The following PSD3 variants were observed in gnomAD, a reference collection of about 807,000 sequenced individuals.
The protein encoded by PSD3 is PH and SEC7 domain-containing protein 3.
In PSD3, 49 loss-of-function variants were observed where a neutral mutation model predicts 105.5. The observed-to-expected ratio is 0.46, with a 90% CI of 0.37 to 0.59. The LOEUF (loss-of-function observed/expected upper bound fraction) is 0.59, where lower values mean the gene tolerates loss of function less well. Among genes scored for constraint, PSD3 ranks in the 20% least tolerant of loss-of-function variants. The pLI, the probability that PSD3 is intolerant of heterozygous loss-of-function variation, is 0.00. For synonymous variants in PSD3, 557 were observed against 457.8 expected, an observed-to-expected ratio of 1.22 and a Z score of -2.77; for missense variants, 1,561 against 1,263.8, an observed-to-expected ratio of 1.24 and a Z score of -3.57.
At chr8:18,671,694 C>T (rs1799792354) in intron 9 of PSD3, among the ~76,000 whole-genome samples, 2 of 151,576 alleles carry the variant, frequency 1.3e-5, no homozygotes, top group Non-Finnish European at 2.9e-5. Flanking sequence ...GGGCAGTGCG[C>T]GATCTCCGCT....
chr8:18,778,810 T>C (rs1808336043), intron 8 of PSD3, among the ~76,000 whole-genome samples: 1 of 152,128 alleles, frequency 6.6e-6, no homozygotes, highest in African/African-American at 2.4e-5. Flanking sequence ...TAAAACCCAC[T>C]TGATCATCGT....
At chr8:18,601,760 A>G (rs1804457748) in intron 11 of PSD3, among the ~76,000 whole-genome samples, 1 of 152,130 alleles carries the variant, frequency 6.6e-6, no homozygotes, top group African/African-American at 2.4e-5. Context: ...ATAACCATAC[A>G]TCACATATAA....
chr8:18,998,359 A>C (rs1014870194), intron 1 of PSD3, among the ~76,000 whole-genome samples: 1 of 151,982 alleles, frequency 6.6e-6, no homozygotes, highest in African/African-American at 2.4e-5. Flanking sequence ...GCTTTCTCAA[A>C]ACCCTGGACC....
At chr8:18,903,954 C>T (rs1223415697) in intron 2 of PSD3, among the ~76,000 whole-genome samples, 2 of 151,640 alleles carry the variant, frequency 1.3e-5, no homozygotes, top group African/African-American at 4.8e-5. Flanking sequence ...GGTGATGTGG[C>T]TCTACTTCTG....
chr8:18,833,041 TA>T (rs1813804143), intron 4 of PSD3, among the ~76,000 whole-genome samples: 1 of 152,196 alleles, frequency 6.6e-6, no homozygotes, highest in Non-Finnish European at 1.5e-5. Flanking sequence ...AGATGATTTT[TA>T]AAAAGCAACT....
chr8:18,727,638 C>T (rs1261690476), intron 9 of PSD3, among the ~76,000 whole-genome samples: 1 of 151,982 alleles, frequency 6.6e-6, no homozygotes, highest in African/African-American at 2.4e-5. Context: ...ACAACCCTCC[C>T]CTACTACACT....
intron 11 of PSD3, among the ~76,000 whole-genome samples, chr8:18,601,677 A>G (rs1585353710): frequency 6.6e-6 from 1 of 152,232 alleles, no homozygotes; most frequent in East Asian, 1.9e-4. Context: ...AAGGTATACT[A>G]AAAATACATA....
At chr8:18,893,388 C>T (rs938354676) in intron 2 of PSD3, among the ~76,000 whole-genome samples, 6 of 152,140 alleles carry the variant, frequency 3.9e-5, no homozygotes, top group African/African-American at 1.4e-4. Flanking sequence ...TCTAAGTGGG[C>T]AACAGGAACC....
At chr8:18,932,006 A>C (rs1206279162) in intron 2 of PSD3, among the ~76,000 whole-genome samples, 2 of 152,212 alleles carry the variant, frequency 1.3e-5, no homozygotes, top group Admixed American at 1.3e-4. Context: ...TTGAGTCCTC[A>C]GTTTCCACAT....
intron 9 of PSD3, among the ~76,000 whole-genome samples, chr8:18,683,293 T>A (rs6999067): frequency 0.016 from 2,454 of 152,216 alleles, 48 homozygotes; most frequent in East Asian, 0.041. Context: ...GAATGTAGTA[T>A]AATAGGACCA....
At chr8:18,715,004 A>G (rs957159535) in intron 9 of PSD3, among the ~76,000 whole-genome samples, 1 of 152,226 alleles carries the variant, frequency 6.6e-6, no homozygotes, top group African/African-American at 2.4e-5. Context: ...TCTGGAAGCC[A>G]TCATCCTCAG....
At chr8:18,651,401 C>T (rs1808468569) in intron 10 of PSD3, among the ~76,000 whole-genome samples, 1 of 152,330 alleles carries the variant, frequency 6.6e-6, no homozygotes, top group South Asian at 2.1e-4. Context: ...CATGCATTAT[C>T]CTACAAACTT....
At chr8:18,758,288 G>A (rs1806224548) in intron 9 of PSD3, among the ~76,000 whole-genome samples, 1 of 152,118 alleles carries the variant, frequency 6.6e-6, no homozygotes, top group South Asian at 2.1e-4. Flanking sequence ...ACTTCATGTT[G>A]CTTAGGTTAA....
chr8:18,616,516 C>G (rs1295625290), intron 11 of PSD3, among the ~76,000 whole-genome samples: 1 of 152,118 alleles, frequency 6.6e-6, no homozygotes, highest in Admixed American at 6.5e-5. Context: ...GAAACATTCA[C>G]CATCTATTCT....
At chr8:18,709,562 T>G (rs371683220) in intron 9 of PSD3, among the ~76,000 whole-genome samples, 1 of 152,288 alleles carries the variant, frequency 6.6e-6, no homozygotes, top group African/African-American at 2.4e-5. Context: ...CCAACAGAAG[T>G]CATCAGACAC....
chr8:18,964,109 A>G (rs570848114), intron 1 of PSD3, among the ~76,000 whole-genome samples: 107 of 152,178 alleles, frequency 7.0e-4, no homozygotes, highest in African/African-American at 2.5e-3. Context: ...AATCTAATGA[A>G]TAACTCGGGT....
intron 1 of PSD3, among the ~76,000 whole-genome samples, chr8:18,960,920 AC>A (rs535177860): frequency 1.3e-3 from 203 of 152,118 alleles, no homozygotes; most frequent in African/African-American, 4.6e-3. Flanking sequence ...CTCCATCTCT[AC>A]AAAAAAATAC....
intron 1 of PSD3, among the ~76,000 whole-genome samples, chr8:19,054,385 T>A (rs1828637747): frequency 6.6e-6 from 1 of 152,146 alleles, no homozygotes; most frequent in South Asian, 2.1e-4. Context: ...TGGTTTATGA[T>A]CATCTTTTTG....
intron 1 of PSD3, among the ~76,000 whole-genome samples, chr8:18,957,693 C>T (rs117645764): frequency 6.6e-6 from 1 of 152,332 alleles, no homozygotes; most frequent in East Asian, 1.9e-4. Flanking sequence ...TGCCAACATC[C>T]TCTCAGATCC....
Sources: gnomAD v4.1 joint callset for allele counts (sites outside exome capture counted in the v4.1 genomes callset) on GRCh38, gnomAD v4.1.1 for gene constraint, MANE v1.5 for transcripts, NCBI Gene and HGNC (gene_info 2026-07-23, HGNC 2026-07-21) for gene names.